Variants in RNFT2 observed in about 807,000 individuals in gnomAD.
RNFT2 encodes the protein E3 ubiquitin-protein ligase RNFT2.
In RNFT2, 36 loss-of-function variants were observed where a neutral mutation model predicts 53.0. The observed-to-expected ratio is 0.68, with a 90% confidence interval of 0.52 to 0.90. RNFT2 has a LOEUF of 0.90. RNFT2 is among the 40% of genes least tolerant of loss of function. The probability of loss-of-function intolerance (pLI) is 0.00; values close to 1 mark genes in which losing one functional copy is unlikely to be tolerated. For missense variants in RNFT2, 514 were observed against 585.6 expected (o/e 0.88, Z 1.26); for synonymous variants, 260 against 253.2 (o/e 1.03, Z -0.26).
In RNFT2 at chr12:116,750,207, C is replaced by G; in HGVS notation, c.450C>G (p.Ala150=). 6.2e-7 allele frequency: 1 copy of G among 1,604,780 alleles called. No individual in the cohort carries two copies. Among genetic ancestry groups the G allele is most frequent in the African/African-American group, 1.3e-5 (1 of 74,958 alleles). The change falls in exon 4 of 11, where the codon GCC becomes GCG. Residue 150 remains alanine (A), a synonymous_variant. Coordinates refer to ENST00000257575, the MANE Select transcript of RNFT2 (RefSeq NM_001382266.1). ...EGGDEQPGTP[A]PALSELKAVI... is the part of the protein sequence containing the mutation. ...GCGACGAGCAGCCTGGGACGCCCGC[C>G]CCCGCCCTGTCCGAGCTGAAGGCTG...
chr12:116,790,794 CA>C (rs1461373135), intron 7 of RNFT2, among the ~76,000 whole-genome samples: 1 of 152,042 alleles, frequency 6.6e-6, no homozygotes, highest in African/African-American at 2.4e-5. Flanking sequence ...CTGTCTCCAC[CA>C]AAATACAAAG....
chr12:116,839,314 G>T (rs1337657048), intron 10 of RNFT2, among the ~76,000 whole-genome samples: 2 of 150,708 alleles, frequency 1.3e-5, no homozygotes, highest in Non-Finnish European at 3.0e-5. Flanking sequence ...GATGGATGGA[G>T]GGATGGATGG....
chr12:116,842,667 G>A (rs537695905), intron 10 of RNFT2, among the ~76,000 whole-genome samples: 4 of 152,056 alleles, frequency 2.6e-5, no homozygotes, highest in Admixed American at 6.6e-5. Flanking sequence ...TCTGCCTCCC[G>A]AGTTCAAGCG....
chr12:116,777,064 T>A (rs1447401916), intron 6 of RNFT2, among the ~76,000 whole-genome samples: 1 of 151,894 alleles, frequency 6.6e-6, no homozygotes, highest in Admixed American at 6.6e-5. Context: ...ACTACAGGCA[T>A]GCACCACCAT....
At chr12:116,783,978 C>A (rs1474080808) in intron 7 of RNFT2, among the ~76,000 whole-genome samples, 1 of 152,222 alleles carries the variant, frequency 6.6e-6, no homozygotes. Context: ...GAACAGGGTC[C>A]TGTTATTACC....
intron 5 of RNFT2, among the ~76,000 whole-genome samples, chr12:116,760,915 G>A (rs964149051): frequency 1.3e-5 from 2 of 152,148 alleles, no homozygotes; most frequent in African/African-American, 4.8e-5. Context: ...GTCTTGCTCT[G>A]TTGTCCAGGC....
chr12:116,767,056 T>A (rs1334941362), intron 6 of RNFT2, 142 bp downstream of exon 6: 4 of 599,478 alleles, frequency 6.7e-6, no homozygotes, highest in Non-Finnish European at 1.2e-5. Flanking sequence ...TTACTACTTA[T>A]ATATATCTAG....
rs1207276613 is a variant in RNFT2, at chr12:116,836,008, C to T, written c.1081C>T (p.Leu361Phe). Residue 361 changes from leucine to phenylalanine, a missense_variant, in exon 9 of 11, where the codon CTT becomes TTT. Physicochemically the swap from Leu to Phe is conservative, Grantham distance 22. Around this residue, in one of 3 missense-constraint regions of RNFT2, gnomAD observed 273 missense variants for 334.4 expected, o/e 0.82. Transcript: ENST00000257575. Reference protein sequence around the residue: ...RVGGVRKALKLLCTSQNYGVR... With the variant: ...RVGGVRKALKFLCTSQNYGVR... ...GGGCGGAGTTAGGAAAGCCCTGAAG[C>T]TTCTCTGTACCTCTCAGGTGAGTTG... 7 of 1,614,026 alleles carry T rather than the reference C, an allele frequency of 4.3e-6. No individual in the cohort carries two copies. The highest frequency in any genetic ancestry group is 2.2e-5 in the South Asian group (2 of 91,086).
At chr12:116,738,952 C>T (rs773991112) in intron 1 of RNFT2, among the ~76,000 whole-genome samples, 5 of 152,028 alleles carry the variant, frequency 3.3e-5, no homozygotes, top group Non-Finnish European at 7.4e-5. Context: ...ATATAATGAC[C>T]TTTTCTTGAT....
intron 10 of RNFT2, among the ~76,000 whole-genome samples, chr12:116,841,882 AATATATATAAAAATATATATATATAAAT>A (rs1565876169): frequency 4.3e-5 from 1 of 23,478 alleles, no homozygotes; most frequent in South Asian, 7.9e-4. Flanking sequence ...TATATATATA[AATATATATAAAAATATATATATATAAAT>A]ATATATATAA....
intron 7 of RNFT2, among the ~76,000 whole-genome samples, chr12:116,806,399 T>TATAG (rs1875077534): frequency 7.0e-6 from 1 of 143,086 alleles, no homozygotes; most frequent in South Asian, 2.3e-4. Flanking sequence ...TATATATATA[T>TATAG]AGATAGATAG....
chr12:116,832,748 T>G (rs1373633294), intron 7 of RNFT2, among the ~76,000 whole-genome samples: 1 of 152,126 alleles, frequency 6.6e-6, no homozygotes, highest in Non-Finnish European at 1.5e-5. Context: ...TAATGCTAGG[T>G]GCTTATCCTG....
rs1462472235 is a variant in RNFT2 at position 116,850,006 on chromosome 12, G to C, written c.*558G>C. The C allele has an allele frequency of 6.6e-6, 1 of 151,648 alleles. No individual in the cohort carries two copies. The highest frequency in any genetic ancestry group is 6.6e-5 in the Admixed American group (1 of 15,196). The allele number at this position is 151,648 out of a possible 1,614,324, so 9.4% of individuals were successfully genotyped here. Reference sequence around the variant, plus strand: ...TTACAGGCACCCACCAACACACTTGGCTAATTTTTGTATTTTTTAGTAGAG... The same window carrying C: ...TTACAGGCACCCACCAACACACTTGCCTAATTTTTGTATTTTTTAGTAGAG... On this transcript the variant is annotated 3_prime_UTR_variant, in exon 11 of 11. Transcript: ENST00000257575.
At chr12:116,785,642 CAGCACTG>C (rs1873903313) in intron 7 of RNFT2, among the ~76,000 whole-genome samples, 1 of 152,130 alleles carries the variant, frequency 6.6e-6, no homozygotes, top group Admixed American at 6.6e-5. Flanking sequence ...AGACCCGGCC[CAGCACTG>C]GGCACTGGGC....
Position 116,749,961 on chromosome 12 carries a change from C to A in RNFT2, c.204C>A (p.Pro68=). Residue 68 remains proline (P), a synonymous_variant, in exon 4 of 11, where the codon CCC becomes CCA. Transcript: ENST00000257575. ...ALFSGLSGSL[P]TSSFPSSLVL... ...TCTCGGGCTTATCAGGCAGCCTCCC[C>A]ACCAGCTCGTTCCCCTCCAGCCTGG... 1 of 1,564,440 alleles carries A rather than the reference C, an allele frequency of 6.4e-7. No individual in the cohort carries two copies.
At chr12:116,802,885 A>G (rs2137153686) in intron 7 of RNFT2, among the ~76,000 whole-genome samples, 1 of 152,136 alleles carries the variant, frequency 6.6e-6, no homozygotes, top group East Asian at 1.9e-4. Context: ...ACTTGAATCC[A>G]GGAGTTCGAA....
rs1040394292 is a variant in RNFT2, at chr12:116,835,990, G to A, written c.1063G>A (p.Val355Ile). 1 of 1,614,012 alleles carries A rather than the reference G, an allele frequency of 6.2e-7. No individual in the cohort carries two copies. Among genetic ancestry groups the A allele is most frequent in the African/African-American group, 1.3e-5 (1 of 75,046 alleles). ...CGACATCTGTGGACGTGTGGGCGGA[G>A]TTAGGAAAGCCCTGAAGCTTCTCTG... is the stretch of plus-strand genomic sequence containing the variant. Reference protein sequence around the residue: ...SFDICGRVGGVRKALKLLCTS... With the variant: ...SFDICGRVGGIRKALKLLCTS... Residue 355 changes from valine to isoleucine, a missense_variant, in exon 9 of 11, where the codon GTT (valine) becomes ATT (isoleucine). Val to Ile is a conservative substitution (Grantham distance 29, BLOSUM62 3). Around this residue, in one of 3 missense-constraint regions of RNFT2, gnomAD observed 273 missense variants for 334.4 expected, o/e 0.82. Coordinates refer to ENST00000257575, the MANE Select transcript of RNFT2 (RefSeq NM_001382266.1).
In RNFT2 at chr12:116,851,608, CGGG is replaced by C; in HGVS notation, c.*2161_*2163del. 1.7e-6 allele frequency: 1 copy of C among 601,006 alleles called. No individual in the cohort carries two copies. The highest frequency in any genetic ancestry group is 2.9e-6 in the Non-Finnish European group (1 of 340,172). The allele number at this position is 601,006 out of a possible 1,614,324, so 37.2% of individuals were successfully genotyped here. On this transcript the variant is annotated 3_prime_UTR_variant, in exon 11 of 11. Transcript: ENST00000257575. ...TACAAAAATTAGCCGGGCGCGGTGG[CGGG>C]TGCCTGTAATCCCAGCTACTCAGGA...
intron 5 of RNFT2, among the ~76,000 whole-genome samples, chr12:116,763,608 AAAAAAAATAAC>A (rs1872777901): frequency 1.7e-5 from 1 of 58,976 alleles, no homozygotes; most frequent in Admixed American, 2.5e-4. Flanking sequence ...CTCAGTTAAA[AAAAAAAATAAC>A]AAAAAAAAAA....
Sources: allele counts gnomAD v4.1 joint callset (sites outside exome capture counted in the v4.1 genomes callset), GRCh38; gene constraint gnomAD v4.1.1; regional missense constraint gnomAD v4.1.1; transcripts MANE v1.5; gene names NCBI Gene and HGNC (gene_info 2026-07-23, HGNC 2026-07-21).